Variants in SYNPR observed in about 807,000 individuals in gnomAD.
SYNPR encodes synaptoporin.
In SYNPR, 23 loss-of-function variants were observed where a neutral mutation model predicts 32.9. The observed-to-expected ratio is 0.70, with a 90% CI of 0.50 to 0.99. The LOEUF is 0.99. SYNPR is among the 50% of genes least tolerant of loss of function. The pLI is 0.00. For missense variants in SYNPR, 318 were observed against 349.3 expected (o/e 0.91, Z 0.71); for synonymous variants, 146 against 135.9 (o/e 1.07, Z -0.52).
chr3:63,595,717 TTATA>T (rs1169780634), intron 4 of SYNPR, among the ~76,000 whole-genome samples: 293 of 17,582 alleles, frequency 0.017, 2 homozygotes, highest in Non-Finnish European at 0.022. Context: ...GAATCTTATT[TTATA>T]TATATATATA....
chr3:63,551,521 T>C (rs976870223), intron 3 of SYNPR, among the ~76,000 whole-genome samples: 2 of 152,202 alleles, frequency 1.3e-5, no homozygotes, highest in African/African-American at 2.4e-5. Context: ...AGTGGCTGCA[T>C]CATTTTACAT....
chr3:63,479,446 G>GCACGCGCACACACACACACA (rs1553640032), intron 2 of SYNPR, among the ~76,000 whole-genome samples: 2 of 135,742 alleles, frequency 1.5e-5, no homozygotes, highest in Non-Finnish European at 3.2e-5. Context: ...CCACACACAT[G>GCACGCGCACACACACACACA]CACACACACA....
intron 2 of SYNPR, 32 bp from the exon 3 acceptor site, chr3:63,480,797 TAAC>T: frequency 6.2e-7 from 1 of 1,609,432 alleles, no homozygotes; most frequent in Non-Finnish European, 8.5e-7. Flanking sequence ...ATCATCCTAA[TAAC>T]TGCCTTCTAT....
At chr3:63,292,673 G>A (rs1294088967) in intron 2 of SYNPR, among the ~76,000 whole-genome samples, 1 of 152,154 alleles carries the variant, frequency 6.6e-6, no homozygotes, top group Non-Finnish European at 1.5e-5. Flanking sequence ...TTTAAAACAA[G>A]GTATTTTCCT....
chr3:63,321,653 T>C (rs1040598674), intron 2 of SYNPR, among the ~76,000 whole-genome samples: 1 of 152,100 alleles, frequency 6.6e-6, no homozygotes, highest in African/African-American at 2.4e-5. Flanking sequence ...CAGGTGCTTA[T>C]TATTCAATAT....
At chr3:63,551,041 T>C (rs1235620184) in intron 3 of SYNPR, among the ~76,000 whole-genome samples, 2 of 152,310 alleles carry the variant, frequency 1.3e-5, no homozygotes, top group African/African-American at 4.8e-5. Flanking sequence ...ATAATTCACA[T>C]ACCATACAAT....
chr3:63,278,136 G>C, upstream of SYNPR: 1 of 167,394 alleles, frequency 6.0e-6, no homozygotes. Context: ...TTTCCCCGGA[G>C]CCAGAGGGCA....
At chr3:63,414,766 G>T (rs1016167358) in intron 2 of SYNPR, among the ~76,000 whole-genome samples, 3 of 152,138 alleles carry the variant, frequency 2.0e-5, no homozygotes, top group African/African-American at 7.2e-5. Flanking sequence ...AGCCTATATA[G>T]ATCCCAATTG....
chr3:63,550,592 T>A (rs75986071), intron 3 of SYNPR, among the ~76,000 whole-genome samples: 2,828 of 152,234 alleles, frequency 0.019, 99 homozygotes, highest in African/African-American at 0.064. Flanking sequence ...TGCATATTTT[T>A]AAAAATATTT....
chr3:63,282,373 A>G (rs2086638273), intron 2 of SYNPR, among the ~76,000 whole-genome samples: 1 of 152,250 alleles, frequency 6.6e-6, no homozygotes, highest in Non-Finnish European at 1.5e-5. Context: ...AATGAATATG[A>G]AGTTCCATAT....
chr3:63,497,741 A>G (rs1701399910), intron 3 of SYNPR, among the ~76,000 whole-genome samples: 1 of 152,194 alleles, frequency 6.6e-6, no homozygotes, highest in African/African-American at 2.4e-5. Flanking sequence ...AAAGTAAAGC[A>G]TAAATATTCC....
At chr3:63,351,620 A>G (rs914072631) in intron 2 of SYNPR, 1 of 152,216 alleles carries the variant, frequency 6.6e-6, no homozygotes, top group Admixed American at 6.5e-5. Flanking sequence ...CTGAAGGTAA[A>G]TGTGACATTT....
chr3:63,512,890 T>C (rs1701724270), intron 3 of SYNPR, among the ~76,000 whole-genome samples: 1 of 152,158 alleles, frequency 6.6e-6, no homozygotes, highest in South Asian at 2.1e-4. Flanking sequence ...GGCAAAGAAT[T>C]GTTCTCTTGA....
intron 3 of SYNPR, among the ~76,000 whole-genome samples, chr3:63,505,149 CAT>C (rs1701563888): frequency 6.6e-6 from 1 of 152,130 alleles, no homozygotes; most frequent in Non-Finnish European, 1.5e-5. Context: ...GCTTTAGACA[CAT>C]GTAATTTTCA....
chr3:63,390,258 C>A (rs1368929676), intron 2 of SYNPR, among the ~76,000 whole-genome samples: 1 of 152,096 alleles, frequency 6.6e-6, no homozygotes, highest in Non-Finnish European at 1.5e-5. Context: ...CTTCAGGGTA[C>A]ATTTAGCAAG....
intron 3 of SYNPR, among the ~76,000 whole-genome samples, chr3:63,485,731 T>C (rs1026583696): frequency 1.3e-5 from 2 of 152,180 alleles, no homozygotes; most frequent in Non-Finnish European, 1.5e-5. Flanking sequence ...AACCAGCTCA[T>C]TGAATGACAT....
intron 2 of SYNPR, among the ~76,000 whole-genome samples, chr3:63,262,481 C>T (rs1380821662): frequency 6.6e-6 from 1 of 152,160 alleles, no homozygotes; most frequent in African/African-American, 2.4e-5. Flanking sequence ...AAGGCATTAA[C>T]TCCCCTGCAC....
chr3:63,254,585 G>A lies in SYNPR; in HGVS notation n.154+1999G>A, dbSNP rs570618085. On this transcript the variant is annotated intron_variant and non_coding_transcript_variant, in intron 2 of 4. Coordinates refer to the SYNPR transcript ENST00000478456. Reference sequence around the variant, plus strand: ...GTGTTAGACCAAGGTTTTAGACAAGGGTCTTGCAATTGTGGGAATTTCAAG... The same window carrying A: ...GTGTTAGACCAAGGTTTTAGACAAGAGTCTTGCAATTGTGGGAATTTCAAG... Among the ~76,000 whole-genome samples, 8 of 152,144 alleles carry A rather than the reference G, an allele frequency of 5.3e-5. No individual in the cohort carries two copies. In the South Asian group the frequency reaches 1.7e-3, roughly 32 times the overall value.
At chr3:63,481,348 C>T (rs1034300801) in intron 3 of SYNPR, among the ~76,000 whole-genome samples, 6 of 151,956 alleles carry the variant, frequency 3.9e-5, no homozygotes, top group Admixed American at 1.3e-4. Flanking sequence ...TTCCCAAATA[C>T]ATTTGACTGT....
Sources: allele counts gnomAD v4.1 joint callset (sites outside exome capture counted in the v4.1 genomes callset), GRCh38; gene constraint gnomAD v4.1.1; transcripts MANE v1.5; gene names NCBI Gene and HGNC (gene_info 2026-07-23, HGNC 2026-07-21).